The following CACHD1 variants were observed in gnomAD, a reference collection of about 807,000 sequenced individuals.
The protein encoded by CACHD1 is VWFA and cache domain-containing protein 1.
A neutral mutation model predicts 138.7 loss-of-function variants in CACHD1; 71 were observed. That is an observed-to-expected ratio of 0.51 (90% CI 0.42 to 0.62). CACHD1 has a LOEUF of 0.62. Ranked by LOEUF, CACHD1 falls within the 20% of genes least tolerant of loss-of-function variation. The pLI, the probability that CACHD1 is intolerant of heterozygous loss-of-function variation, is 0.00. For synonymous variants in CACHD1, 578 were observed against 591.5 expected, an observed-to-expected ratio of 0.98 and a Z score of 0.33; for missense variants, 1,389 against 1,625.3, an observed-to-expected ratio of 0.85 and a Z score of 2.50.
chr1:64,540,741 G>T (rs887575988), intron 1 of CACHD1, among the ~76,000 whole-genome samples: 15 of 152,158 alleles, frequency 9.9e-5, no homozygotes, highest in African/African-American at 3.6e-4. Flanking sequence ...GATTTTCCCT[G>T]CTAAATCAGA....
intron 4 of CACHD1, among the ~76,000 whole-genome samples, chr1:64,606,390 AG>A (rs1647341413): frequency 6.6e-6 from 1 of 152,100 alleles, no homozygotes; most frequent in South Asian, 2.1e-4. Context: ...CCTTGAATTG[AG>A]TGACTGTTTG....
chr1:64,494,755 C>CT (rs1007837026), intron 1 of CACHD1, among the ~76,000 whole-genome samples: 14 of 152,074 alleles, frequency 9.2e-5, no homozygotes, highest in Non-Finnish European at 1.2e-4. Context: ...ATAGTGCTCA[C>CT]TTTTTTTAGT....
At position 64,682,052 on chromosome 1, in the gene CACHD1, A is replaced by G. The variant is rs761395805; in HGVS notation, c.3532A>G (p.Ser1178Gly). The change falls in exon 26 of 27, where the codon AGT becomes GGT. Residue 1178 changes from serine (S) to glycine (G), a missense_variant. Physicochemically the swap from Ser to Gly is moderately conservative, Grantham distance 56. Around this residue, in one of 5 missense-constraint regions of CACHD1, gnomAD observed 250 missense variants for 292.9 expected, o/e 0.85. Coordinates refer to ENST00000651257, the MANE Select transcript of CACHD1 (RefSeq NM_020925.4). ...TGCGGTCATCGAACGACATGCACACAGTCCAGAAAGAAGGCGCCGCTACTG... is the reference window on the plus strand; with the variant it reads ...TGCGGTCATCGAACGACATGCACACGGTCCAGAAAGAAGGCGCCGCTACTG... ...IAAVIERHAH[S>G]PERRRRYWGR... 1.2e-6 allele frequency: 2 copies of G among 1,614,148 alleles called. No individual in the cohort carries two copies. The highest frequency in any genetic ancestry group is 1.1e-5 in the South Asian group (1 of 91,082).
intron 3 of CACHD1, among the ~76,000 whole-genome samples, chr1:64,589,444 A>G (rs1557508131): frequency 6.6e-6 from 1 of 152,100 alleles, no homozygotes; most frequent in East Asian, 1.9e-4. Flanking sequence ...TGTGTTAGAT[A>G]GGGTCCTCCA....
At chr1:64,614,751 A>C (rs1647651325) in intron 4 of CACHD1, among the ~76,000 whole-genome samples, 1 of 152,158 alleles carries the variant, frequency 6.6e-6, no homozygotes, top group African/African-American at 2.4e-5. Context: ...TTTGGCTCAG[A>C]TTCTGTAGCT....
chr1:64,504,136 C>A (rs904345922), intron 1 of CACHD1, among the ~76,000 whole-genome samples: 3 of 152,170 alleles, frequency 2.0e-5, no homozygotes, highest in African/African-American at 4.8e-5. Flanking sequence ...TCTAGCGATC[C>A]TCCCACCTCA....
chr1:64,581,114 G>A (rs1277355058), intron 2 of CACHD1, among the ~76,000 whole-genome samples: 1 of 152,088 alleles, frequency 6.6e-6, no homozygotes. Context: ...TTTCTAGCAA[G>A]GCTGAGAACC....
chr1:64,663,936 A>T (rs572007628), intron 14 of CACHD1, 99 bp downstream of exon 14: 61 of 1,474,086 alleles, frequency 4.1e-5, no homozygotes, highest in South Asian at 2.1e-4. Flanking sequence ...CCAGCTCTGC[A>T]TCTGTGCCTC....
rs1648697927 is a variant in CACHD1 at position 64,641,081 on chromosome 1, T to G, written c.1007-739T>G. ...AGTTTCTTTTTTTTCTCTTTTACCT[T>G]CTTTTTTTATCACCTTTTTGCTGAT... On this transcript the variant is annotated intron_variant, in intron 7 of 26. Transcript: ENST00000651257. 1.3e-5 allele frequency among the ~76,000 whole-genome samples: 2 copies of G among 152,174 alleles called. 1 individual carries two copies. The highest frequency in any genetic ancestry group is 2.9e-5 in the Non-Finnish European group (2 of 68,028).
intron 3 of CACHD1, 83 bp downstream of exon 3, chr1:64,582,387 GTTTA>G: frequency 8.1e-7 from 1 of 1,227,218 alleles, no homozygotes; most frequent in African/African-American, 1.5e-5. Flanking sequence ...AAATACCTGT[GTTTA>G]TTTATTGCAA....
chr1:64,499,014 T>C lies in CACHD1; in HGVS notation c.198+28072T>C, dbSNP rs533820465. Among the ~76,000 whole-genome samples, 3 of 152,330 alleles carry C rather than the reference T, an allele frequency of 2.0e-5. No homozygotes were observed. In the South Asian group the frequency reaches 6.2e-4, roughly 32 times the overall value. On this transcript the variant is annotated intron_variant, in intron 1 of 26. Coordinates refer to ENST00000651257, the MANE Select transcript of CACHD1 (RefSeq NM_020925.4). ...TGATTTCCCAGTTAGTTTGGGGTAG[T>C]ATACATTCTTGAAGTAGTGCTGACC...
intron 1 of CACHD1, among the ~76,000 whole-genome samples, chr1:64,491,185 T>C (rs974310099): frequency 3.3e-5 from 5 of 152,062 alleles, no homozygotes; most frequent in Non-Finnish European, 7.4e-5. Flanking sequence ...CCAGGGTCCC[T>C]GTATATAGTA....
At chr1:64,501,047 C>CA (rs367553078) in intron 1 of CACHD1, among the ~76,000 whole-genome samples, 13,055 of 104,960 alleles carry the variant, frequency 0.12, 647 homozygotes, top group East Asian at 0.2. Context: ...GATTCTGTCT[C>CA]AAAAAAAAAA....
intron 2 of CACHD1, among the ~76,000 whole-genome samples, chr1:64,571,216 A>T (rs989849226): frequency 1.3e-5 from 2 of 152,192 alleles, no homozygotes; most frequent in African/African-American, 4.8e-5. Context: ...AACATTCATA[A>T]GATGCTTCCT....
At chr1:64,494,899 A>C (rs1646297831) in intron 1 of CACHD1, among the ~76,000 whole-genome samples, 1 of 152,214 alleles carries the variant, frequency 6.6e-6, no homozygotes, top group Non-Finnish European at 1.5e-5. Context: ...GTTGAAACCC[A>C]TGTCAGCTTC....
At chr1:64,651,292 A>G (rs996719481) in intron 9 of CACHD1, among the ~76,000 whole-genome samples, 2 of 152,148 alleles carry the variant, frequency 1.3e-5, no homozygotes, top group Admixed American at 6.6e-5. Flanking sequence ...TCCTTTGGAA[A>G]CTTAATTTCT....
chr1:64,494,569 T>C (rs1397498117), intron 1 of CACHD1, among the ~76,000 whole-genome samples: 1 of 152,208 alleles, frequency 6.6e-6, no homozygotes, highest in African/African-American at 2.4e-5. Context: ...GAAGCTCCAA[T>C]CTAGAATTTA....
chr1:64,586,648 G>C (rs1647053748), intron 3 of CACHD1, among the ~76,000 whole-genome samples: 1 of 151,998 alleles, frequency 6.6e-6, no homozygotes, highest in Non-Finnish European at 1.5e-5. Flanking sequence ...TTGTTATAGA[G>C]GAGATGTTTT....
At position 64,634,042 on chromosome 1, in the gene CACHD1, A is replaced by G; in HGVS notation, c.790-2A>G. 2 of 1,558,682 alleles carry G rather than the reference A, an allele frequency of 1.3e-6. No individual in the cohort carries two copies. Among genetic ancestry groups the G allele is most frequent in the Non-Finnish European group, 1.7e-6 (2 of 1,147,654 alleles). On this transcript the variant is annotated splice_acceptor_variant, in intron 6 of 26. Coordinates refer to ENST00000651257, the MANE Select transcript of CACHD1 (RefSeq NM_020925.4). LOFTEE classifies it high-confidence loss of function. ...GGTTTTTTTTTTTTTTCTTTCCTGC[A>G]GATTTCTGTGTTAACTGTGGCAGAT...
Sources: allele counts gnomAD v4.1 joint callset (sites outside exome capture counted in the v4.1 genomes callset), GRCh38; gene constraint gnomAD v4.1.1; regional missense constraint gnomAD v4.1.1; transcripts MANE v1.5; gene names NCBI Gene and HGNC (gene_info 2026-07-23, HGNC 2026-07-21).